PPP2R2C: variants seen among roughly 807,000 people sequenced by gnomAD.
PPP2R2C encodes the protein protein phosphatase 2, regulatory subunit B, gamma.
In PPP2R2C, 10 loss-of-function variants were observed where a neutral mutation model predicts 45.3. The observed-to-expected ratio is 0.22, with a 90% confidence interval of 0.14 to 0.37. The LOEUF is 0.37. PPP2R2C is among the 10% of genes least tolerant of loss of function. PPP2R2C has a pLI of 1.00. For synonymous variants in PPP2R2C, 257 were observed against 245.4 expected (o/e 1.05, Z -0.44); for missense variants, 308 against 619.7 (o/e 0.50, Z 5.34).
At chr4:6,493,539 C>T (rs1302907046) in intron 2 of PPP2R2C, among the ~76,000 whole-genome samples, 1 of 151,398 alleles carries the variant, frequency 6.6e-6, no homozygotes, top group Non-Finnish European at 1.5e-5. Flanking sequence ...ATGACACACT[C>T]CGTACATCTG....
chr4:6,447,535 C>A, intron 1 of PPP2R2C, among the ~76,000 whole-genome samples: 1 of 141,968 alleles, frequency 7.0e-6, no homozygotes. Flanking sequence ...CCACCCCCAC[C>A]CCACTCACAT....
chr4:6,405,089 C>T (rs1423722813), intron 1 of PPP2R2C, among the ~76,000 whole-genome samples: 2 of 152,238 alleles, frequency 1.3e-5, no homozygotes, highest in East Asian at 3.8e-4. Context: ...AGACTGAGGG[C>T]TGCTATTAAC....
intron 1 of PPP2R2C, among the ~76,000 whole-genome samples, chr4:6,551,601 T>G (rs1033668032): frequency 1.3e-5 from 2 of 152,180 alleles, no homozygotes; most frequent in African/African-American, 2.4e-5. Context: ...GCCACACAAC[T>G]GCCATCTTGT....
intron 1 of PPP2R2C, among the ~76,000 whole-genome samples, chr4:6,419,093 A>AT (rs1234866078): frequency 6.6e-6 from 1 of 152,236 alleles, no homozygotes; most frequent in African/African-American, 2.4e-5. Context: ...TGTTTTCTGC[A>AT]TTTTCAAAGG....
At position 6,381,651 on chromosome 4, in the gene PPP2R2C, C is replaced by A. The variant is rs955220649; in HGVS notation, c.71-557G>T. ...CCACCTCCAGGCAGGCCTCTGGGAT[C>A]GCTCTCTAATCTCTGCTCGCAGAAG... On this transcript the variant is annotated intron_variant, in intron 1 of 8. Coordinates refer to ENST00000382599, the MANE Select transcript of PPP2R2C (RefSeq NM_020416.4). The A allele has an allele frequency of 3.3e-6, 5 of 1,502,088 alleles. No homozygotes were observed. The African/African-American group carries it at 5.6e-5, about 17-fold the overall frequency. The allele number at this position is 1,502,088 out of a possible 1,614,324, so 93.0% of individuals were successfully genotyped here. A position where few individuals can be genotyped will look rare whatever the true frequency, so the allele number is the denominator to read the frequency against.
intron 5 of PPP2R2C, among the ~76,000 whole-genome samples, chr4:6,360,472 G>A (rs902041812): frequency 6.6e-6 from 1 of 152,146 alleles, no homozygotes; most frequent in Non-Finnish European, 1.5e-5. Flanking sequence ...TCATCCAGAT[G>A]TCTCGGCAGG....
chr4:6,384,045 C>A (rs1216953029), intron 1 of PPP2R2C: 2 of 985,418 alleles, frequency 2.0e-6, no homozygotes, highest in African/African-American at 3.5e-5. Context: ...ATAAGAAAAG[C>A]AGCTCTGTGG....
chr4:6,470,983 C>T (rs1013416735), intron 1 of PPP2R2C, among the ~76,000 whole-genome samples: 2 of 151,786 alleles, frequency 1.3e-5, no homozygotes, highest in African/African-American at 4.8e-5. Flanking sequence ...GCTGCGCTCC[C>T]CGGGCCTCCG....
intron 1 of PPP2R2C, among the ~76,000 whole-genome samples, chr4:6,554,920 AAGGAAGGAAG>A: frequency 1.0e-5 from 1 of 95,650 alleles, no homozygotes; most frequent in East Asian, 3.4e-4. Context: ...GGAAGGAAGG[AAGGAAGGAAG>A]GAAAGAAAGA....
intron 2 of PPP2R2C, among the ~76,000 whole-genome samples, chr4:6,533,230 A>C (rs899720420): frequency 6.6e-6 from 1 of 152,342 alleles, no homozygotes; most frequent in African/African-American, 2.4e-5. Context: ...ACATGGCAGG[A>C]GTAAAAACAA....
intron 5 of PPP2R2C, among the ~76,000 whole-genome samples, chr4:6,363,392 C>A (rs1187875860): frequency 6.6e-6 from 1 of 152,058 alleles, no homozygotes; most frequent in Non-Finnish European, 1.5e-5. Flanking sequence ...TCCTGGCTAA[C>A]ACGGTGAAAC....
Position 6,542,021 on chromosome 4 carries a change from C to A in PPP2R2C, c.-58-6644G>T, listed in dbSNP as rs1724816572. Among the ~76,000 whole-genome samples the A allele has an allele frequency of 3.9e-5, 6 of 152,356 alleles. No homozygotes were observed. In the South Asian group the frequency reaches 1.2e-3, roughly 32 times the overall value. On this transcript the variant is annotated intron_variant, in intron 1 of 9. Transcript: ENST00000506140. The stretch of plus-strand genomic sequence containing the variant: ...TAAGGGATTCATGACAAATTCCTGT[C>A]CTTTATCCAGGAGCTAAGTCAAATG...
chr4:6,472,446 C>T lies in PPP2R2C; in HGVS notation c.-217G>A. The T allele has an allele frequency of 4.6e-6, 2 of 436,866 alleles. No individual in the cohort carries two copies. The highest frequency in any genetic ancestry group is 6.0e-6 in the Non-Finnish European group (2 of 331,596). 27.1% of individuals were successfully genotyped at this position (436,866 alleles called of 1,614,324 possible). On this transcript the variant is annotated 5_prime_UTR_variant, in exon 1 of 9. Coordinates refer to ENST00000382599, the MANE Select transcript of PPP2R2C (RefSeq NM_020416.4). ...GCGCGCGGTGGGCGGGCGGCGGCCG[C>T]GGGTTCGGGCGGGCCGGGGCCCAGG...
chr4:6,533,836 C>T (rs374076005), intron 2 of PPP2R2C, among the ~76,000 whole-genome samples: 14 of 152,212 alleles, frequency 9.2e-5, no homozygotes, highest in Admixed American at 5.9e-4. Context: ...CGTTACATAG[C>T]AGGCTGCTCG....
chr4:6,472,181 C>T lies in PPP2R2C; in HGVS notation c.49G>A (p.Asp17Asn). The T allele has an allele frequency of 6.2e-7, 1 of 1,613,574 alleles. No homozygotes were observed. The highest frequency in any genetic ancestry group is 8.5e-7 in the Non-Finnish European group (1 of 1,179,586). Residue 17 changes from aspartate (D) to asparagine (N), a missense_variant, in exon 1 of 9, where the codon GAC becomes AAC. Transcript: ENST00000382599. ...TTACCTTCAGTCACATAGCTGTGGT[C>T]CCGCAGGAAGCTGTGGTTAATTTTC... ...TRKINHSFLR[D>N]HSYVTEADII...
chr4:6,470,834 G>A (rs1000014818), intron 1 of PPP2R2C, among the ~76,000 whole-genome samples: 7 of 151,970 alleles, frequency 4.6e-5, no homozygotes, highest in African/African-American at 1.2e-4. Context: ...GCACACACCC[G>A]GCGGCGAAGC....
At chr4:6,333,809 G>A in intron 6 of PPP2R2C, 78 bp from the exon 7 acceptor site, 2 of 1,494,412 alleles carry the variant, frequency 1.3e-6, no homozygotes, top group Non-Finnish European at 1.8e-6. Context: ...ACTCTGTTTT[G>A]CACCTGGGCC....
intron 5 of PPP2R2C, among the ~76,000 whole-genome samples, chr4:6,361,641 G>A (rs1465643677): frequency 6.6e-6 from 1 of 152,252 alleles, no homozygotes; most frequent in Admixed American, 6.5e-5. Flanking sequence ...AAAGCATACA[G>A]CTAAGCAGGA....
At chr4:6,402,243 C>T (rs7434646) in intron 1 of PPP2R2C, among the ~76,000 whole-genome samples, 29,846 of 152,124 alleles carry the variant, frequency 0.2, 3,235 homozygotes, top group South Asian at 0.3. Flanking sequence ...AGGAAGGCTG[C>T]GCACCCACAC....
Sources: gnomAD v4.1 joint callset for allele counts (sites outside exome capture counted in the v4.1 genomes callset) on GRCh38, gnomAD v4.1.1 for gene constraint, MANE v1.5 for transcripts, NCBI Gene and HGNC (gene_info 2026-07-23, HGNC 2026-07-21) for gene names.